The following SNRPE variants were observed in gnomAD, a reference collection of about 807,000 sequenced individuals.
SNRPE encodes small nuclear ribonucleoprotein polypeptide E.
For synonymous variants in SNRPE, 35 were observed against 36.7 expected, an observed-to-expected ratio of 0.95 and a Z score of 0.17; for missense variants, 53 against 111.6, an observed-to-expected ratio of 0.48 and a Z score of 2.36.
intron 3 of SNRPE, among the ~76,000 whole-genome samples, chr1:203,864,021 C>T (rs1167488688): frequency 6.6e-6 from 1 of 152,192 alleles, no homozygotes; most frequent in Non-Finnish European, 1.5e-5. Flanking sequence ...GTGGCACAAT[C>T]ATGGCTCGTT....
At chr1:203,861,964 T>A (rs1406722740) in intron 1 of SNRPE, 1 of 608,874 alleles carries the variant, frequency 1.6e-6, no homozygotes, top group Admixed American at 2.9e-5. Flanking sequence ...AGGTGCGGAG[T>A]GAAAACGGGA....
rs529986633 is a variant in SNRPE, at chr1:203,862,095, G to A, written c.55-101G>A. 7.5e-5 allele frequency: 70 copies of A among 936,580 alleles called. No individual in the cohort carries two copies. The East Asian group carries it at 1.6e-3, about 22-fold the overall frequency. 58.0% of individuals were successfully genotyped at this position (936,580 alleles called of 1,614,324 possible). A position where few individuals can be genotyped will look rare whatever the true frequency, so the allele number is the denominator to read the frequency against. ...TGTTTGCGTAAGCACCAGACCTCGC[G>A]TTTAGTAAACAAAGGTGAGACGGGA... On this transcript the variant is annotated intron_variant, in intron 1 of 4. Transcript: ENST00000414487.
chr1:203,869,389 C>T (rs898279347), intron 4 of SNRPE, among the ~76,000 whole-genome samples: 9 of 140,896 alleles, frequency 6.4e-5, no homozygotes, highest in Non-Finnish European at 6.1e-5. Flanking sequence ...TCACTGCAAC[C>T]TCCGCCTCCC....
chr1:203,865,456 G>A (rs1188893926), intron 4 of SNRPE, among the ~76,000 whole-genome samples: 3 of 152,114 alleles, frequency 2.0e-5, no homozygotes, highest in African/African-American at 7.2e-5. Flanking sequence ...TGAGTGGCAG[G>A]AAAAACCCAA....
chr1:203,866,864 A>G (rs1392963079), intron 4 of SNRPE, among the ~76,000 whole-genome samples: 1 of 151,942 alleles, frequency 6.6e-6, no homozygotes, highest in African/African-American at 2.4e-5. Flanking sequence ...AGCTTTAGCA[A>G]CACTTGTCTT....
chr1:203,864,484 C>T (rs1421355692), intron 3 of SNRPE, among the ~76,000 whole-genome samples: 1 of 151,450 alleles, frequency 6.6e-6, no homozygotes, highest in Non-Finnish European at 1.5e-5. Flanking sequence ...CAGGTGCTCT[C>T]AGCTCACTGC....
chr1:203,870,118 CTT>C lies in SNRPE; in HGVS notation c.*190_*191del, dbSNP rs1690184986. On this transcript the variant is annotated 3_prime_UTR_variant, in exon 5 of 5. Transcript: ENST00000414487. ...GCTTCTTACTATTCAGCAGTAGAAA[CTT>C]TTTACACAGTAACACCATTCGTTGC... 8.1e-6 allele frequency: 4 copies of C among 494,724 alleles called. No homozygotes were observed. The highest frequency in any genetic ancestry group is 1.4e-5 in the Non-Finnish European group (4 of 281,222). The allele number at this position is 494,724 out of a possible 1,614,324, so 30.6% of individuals were successfully genotyped here.
rs918068272 is a variant in SNRPE, at chr1:203,863,702, A to G, written c.121A>G (p.Met41Val). The change falls in exon 3 of 5, where the codon ATG becomes GTG. Residue 41 changes from methionine (M) to valine (V), a missense_variant. Met to Val is a conservative substitution (Grantham distance 21). Coordinates refer to ENST00000414487, the MANE Select transcript of SNRPE (RefSeq NM_003094.4). ...GGTGTGGCTCTATGAGCAAGTGAATATGCGGATAGAAGGCTGTATCATTGT... is the reference window on the plus strand; with the variant it reads ...GGTGTGGCTCTATGAGCAAGTGAATGTGCGGATAGAAGGCTGTATCATTGT... ...IQVWLYEQVNMRIEGCIIGFD... is the reference protein window; with the variant it reads ...IQVWLYEQVNVRIEGCIIGFD... 6.2e-7 allele frequency: 1 copy of G among 1,607,226 alleles called. No individual in the cohort carries two copies. Among genetic ancestry groups the G allele is most frequent in the Non-Finnish European group, 8.5e-7 (1 of 1,173,780 alleles).
At chr1:203,865,304 C>T (rs770660867) in intron 4 of SNRPE, among the ~76,000 whole-genome samples, 185 bp downstream of exon 4, 14 of 152,140 alleles carry the variant, frequency 9.2e-5, no homozygotes, top group African/African-American at 1.2e-4. Context: ...TTTGGCTTCT[C>T]CACCCAGAGA....
chr1:203,863,637 C>T lies in SNRPE; in HGVS notation c.82-26C>T, dbSNP rs202242052. On this transcript the variant is annotated intron_variant, in intron 2 of 4. Transcript: ENST00000414487. ...CCCGGCCCTATTTTTCTTTTTTTAA[C>T]GTTTCCACTTTTATGATTATTTCAG... 1.1e-5 allele frequency: 17 copies of T among 1,593,150 alleles called. No individual in the cohort carries two copies. In the Admixed American group the frequency reaches 1.2e-4, roughly 11 times the overall value.
chr1:203,866,073 C>G (rs2103508844), intron 4 of SNRPE, among the ~76,000 whole-genome samples: 3 of 152,224 alleles, frequency 2.0e-5, no homozygotes, highest in Admixed American at 2.0e-4. Context: ...CTTTCCTCCT[C>G]CCCGGGTGGG....
chr1:203,861,636 G>A lies in SNRPE; in HGVS notation c.-24G>A. On this transcript the variant is annotated 5_prime_UTR_variant, in exon 1 of 5. The change creates a new upstream start codon in the 5' untranslated region. Coordinates refer to ENST00000414487, the MANE Select transcript of SNRPE (RefSeq NM_003094.4). ...AGTTGCTCTCAGAGGCAGCGTGCGG[G>A]TGTGCTCTTTGTGAAATTCCACCAT... The A allele has an allele frequency of 6.2e-7, 1 of 1,602,866 alleles. No homozygotes were observed. Among genetic ancestry groups the A allele is most frequent in the Non-Finnish European group, 8.5e-7 (1 of 1,169,666 alleles).
chr1:203,866,600 T>G (rs1690092574), intron 4 of SNRPE, among the ~76,000 whole-genome samples: 1 of 152,214 alleles, frequency 6.6e-6, no homozygotes, highest in South Asian at 2.1e-4. Flanking sequence ...ATTTCCTGCC[T>G]TATTGAATGG....
chr1:203,862,134 GT>G (rs1244218942), intron 1 of SNRPE, 61 bp from the exon 2 acceptor site: 2 of 1,332,460 alleles, frequency 1.5e-6, no homozygotes, highest in Non-Finnish European at 2.2e-6. Context: ...GCGTCGTCCG[GT>G]TGTTTCAGGA....
intron 4 of SNRPE, among the ~76,000 whole-genome samples, chr1:203,866,062 C>G (rs1222979900): frequency 2.6e-5 from 4 of 152,194 alleles, no homozygotes; most frequent in South Asian, 4.1e-4. Context: ...ACCTTCAGCT[C>G]CTTTCCTCCT....
At position 203,869,178 on chromosome 1, in the gene SNRPE, C is replaced by T. The variant is rs557575273; in HGVS notation, c.224-699C>T. On this transcript the variant is annotated intron_variant, in intron 4 of 4. Coordinates refer to ENST00000414487, the MANE Select transcript of SNRPE (RefSeq NM_003094.4). ...ATCAACGTGTCTCAAACCGTTCTAC[C>T]AGTGAACACCAGTGTTCCTGAAGAT... Among the ~76,000 whole-genome samples, 4 of 151,940 alleles carry T rather than the reference C, an allele frequency of 2.6e-5. No individual in the cohort carries two copies. The East Asian group carries it at 7.8e-4, about 30-fold the overall frequency.
intron 3 of SNRPE, among the ~76,000 whole-genome samples, chr1:203,864,278 C>T (rs763411858): frequency 1.3e-5 from 2 of 149,488 alleles, no homozygotes; most frequent in East Asian, 1.9e-4. Context: ...AAAAATTATT[C>T]GAAAAAAAAA....
At position 203,862,185 on chromosome 1, in the gene SNRPE, C is replaced by G; in HGVS notation, c.55-11C>G. 6.2e-7 allele frequency: 1 copy of G among 1,607,690 alleles called. No homozygotes were observed. The highest frequency in any genetic ancestry group is 8.5e-7 in the Non-Finnish European group (1 of 1,174,196). The stretch of plus-strand genomic sequence containing the variant: ...TGCTTTTGTATTTTTTCCTTAGCCA[C>G]TGTGGTGCAGAACCTCATCTTCAGA... On this transcript the variant is annotated splice_polypyrimidine_tract_variant and intron_variant, in intron 1 of 4. Coordinates refer to ENST00000414487, the MANE Select transcript of SNRPE (RefSeq NM_003094.4).
chr1:203,863,669 C>A lies in SNRPE; in HGVS notation c.88C>A (p.Arg30=), dbSNP rs1572403085. ...LIFRYLQNRS[R]IQVWLYEQVN... is the part of the protein sequence containing the mutation. ...ACTTTTATGATTATTTCAGAGATCG[C>A]GGATTCAGGTGTGGCTCTATGAGCA... The change falls in exon 3 of 5, where the codon CGG becomes AGG. Residue 30 remains arginine, a synonymous_variant. Coordinates refer to ENST00000414487, the MANE Select transcript of SNRPE (RefSeq NM_003094.4). 1 of 1,609,648 alleles carries A rather than the reference C, an allele frequency of 6.2e-7. No individual in the cohort carries two copies.
Sources: gnomAD v4.1 joint callset for allele counts (sites outside exome capture counted in the v4.1 genomes callset) on GRCh38, gnomAD v4.1.1 for gene constraint, MANE v1.5 for transcripts, NCBI Gene and HGNC (gene_info 2026-07-23, HGNC 2026-07-21) for gene names.